CYLD: variants seen among roughly 807,000 people sequenced by gnomAD.
The protein encoded by CYLD is ubiquitin carboxyl-terminal hydrolase CYLD.
A neutral mutation model predicts 104.5 loss-of-function variants in CYLD; 26 were observed. The ratio of observed to expected loss-of-function variants is 0.25; its 90% confidence interval spans 0.18 to 0.35. CYLD has a LOEUF of 0.35. Ranked by LOEUF, CYLD falls within the 10% of genes least tolerant of loss-of-function variation. CYLD has a pLI of 1.00. For missense variants in CYLD, 703 were observed against 1,136.1 expected (o/e 0.62, Z 5.48); for synonymous variants, 385 against 399.9 (o/e 0.96, Z 0.45).
At chr16:50,789,541 G>A (rs1372287940) in intron 14 of CYLD, among the ~76,000 whole-genome samples, 2 of 152,042 alleles carry the variant, frequency 1.3e-5, no homozygotes, top group Non-Finnish European at 2.9e-5. Flanking sequence ...GCCCTGGGAA[G>A]TTCTTACACC....
At chr16:50,783,002 G>T (rs1179039886) in intron 11 of CYLD, among the ~76,000 whole-genome samples, 1 of 130,384 alleles carries the variant, frequency 7.7e-6, no homozygotes. Context: ...TGGGCTCATT[G>T]CAACCTCTGC....
intron 12 of CYLD, chr16:50,785,888 G>A (rs965439082): frequency 1.3e-5 from 2 of 152,228 alleles, no homozygotes; most frequent in African/African-American, 4.8e-5. Flanking sequence ...GTAAGTGGTA[G>A]ATTCTCAGTC....
chr16:50,786,776 A>G (rs1970878557), intron 12 of CYLD, 79 bp from the exon 13 acceptor site: 2 of 1,141,322 alleles, frequency 1.8e-6, no homozygotes, highest in Non-Finnish European at 2.6e-6. Flanking sequence ...AAAAAAAAGA[A>G]AAAAAGAAAT....
intron 5 of CYLD, among the ~76,000 whole-genome samples, chr16:50,768,667 C>T (rs1038101759): frequency 6.6e-6 from 1 of 152,124 alleles, no homozygotes; most frequent in East Asian, 1.9e-4. Context: ...TGTTCATGTT[C>T]TTGAAGTTGT....
intron 15 of CYLD, among the ~76,000 whole-genome samples, chr16:50,792,230 GT>G (rs1465772475): frequency 6.6e-6 from 1 of 152,074 alleles, no homozygotes; most frequent in Non-Finnish European, 1.5e-5. Flanking sequence ...TTATTTATTT[GT>G]TGAAATATAA....
At position 50,754,975 on chromosome 16, in the gene CYLD, GTATACATA is replaced by G. The variant is rs537565359; in HGVS notation, c.913+564_913+571del. On this transcript the variant is annotated intron_variant, in intron 5 of 18. Coordinates refer to ENST00000427738, the MANE Select transcript of CYLD (RefSeq NM_001378743.1). The stretch of plus-strand genomic sequence containing the variant: ...CATATATACATATACACACATATAT[GTATACATA>G]TATACATATATATGTATATATACAT... Among the ~76,000 whole-genome samples the G allele has an allele frequency of 6.1e-3, 755 of 124,702 alleles. 20 individuals are homozygous for G. The highest frequency in any genetic ancestry group is 0.021 in the African/African-American group (709 of 33,302). The allele number at this position is 124,702 out of a possible 152,430, so 81.8% of individuals were successfully genotyped here. A position where few individuals can be genotyped will look rare whatever the true frequency, so the allele number is the denominator to read the frequency against.
At position 50,794,375 on chromosome 16, in the gene CYLD, A is replaced by G. The variant is rs1039611515; in HGVS notation, c.2633A>G (p.Tyr878Cys). ...ETSHYVAFVKYGKDDSAWLFF... is the reference protein window; with the variant it reads ...ETSHYVAFVKCGKDDSAWLFF... ...AGCCACTATGTTGCTTTTGTGAAGT[A>G]TGGGAAGGACGATTCTGCCTGGCTC... is the stretch of plus-strand genomic sequence containing the variant. Residue 878 changes from tyrosine to cysteine, a missense_variant, in exon 18 of 19, where the codon TAT becomes TGT. Coordinates refer to ENST00000427738, the MANE Select transcript of CYLD (RefSeq NM_001378743.1). This position sits in a 1 kb window ranked among gnomAD's most constrained non-coding sequence, Gnocchi z 4.1. 2 of 1,614,162 alleles carry G rather than the reference A, an allele frequency of 1.2e-6. No individual in the cohort carries two copies. The highest frequency in any genetic ancestry group is 1.7e-6 in the Non-Finnish European group (2 of 1,180,022).
intron 10 of CYLD, 23 bp from the exon 11 acceptor site, chr16:50,782,302 T>C (rs762610018): frequency 1.3e-6 from 2 of 1,522,624 alleles, no homozygotes; most frequent in African/African-American, 1.4e-5. Flanking sequence ...TTTCATTTAC[T>C]TTTTTTAAAA....
intron 1 of CYLD, 168 bp from the exon 2 acceptor site, chr16:50,742,593 GC>G (rs1246039455): frequency 2.6e-6 from 1 of 385,522 alleles, no homozygotes; most frequent in African/African-American, 2.1e-5. Context: ...CAGGCCGCTG[GC>G]GGGCCCCGAC....
At position 50,749,713 on chromosome 16, in the gene CYLD, A is replaced by G. The variant is rs1380240341; in HGVS notation, c.15A>G (p.Leu5=). MSSG[L]WSQEKVTSPY... The stretch of plus-strand genomic sequence containing the variant: ...TTAATATCACAATGAGTTCAGGCTT[A>G]TGGAGCCAAGAAAAAGTCACTTCAC... Residue 5 remains leucine, a synonymous_variant, in exon 3 of 19, where the codon TTA becomes TTG. Coordinates refer to ENST00000427738, the MANE Select transcript of CYLD (RefSeq NM_001378743.1). 1.9e-6 allele frequency: 3 copies of G among 1,613,618 alleles called. No homozygotes were observed. In the African/African-American group the frequency reaches 4.0e-5, roughly 22 times the overall value.
At chr16:50,791,200 G>A (rs1971401464) in intron 14 of CYLD, among the ~76,000 whole-genome samples, 1 of 152,208 alleles carries the variant, frequency 6.6e-6, no homozygotes, top group Non-Finnish European at 1.5e-5. Flanking sequence ...ATTAAATACA[G>A]TTTGCTGCTT....
chr16:50,783,237 C>T (rs1196516441), intron 11 of CYLD, among the ~76,000 whole-genome samples: 1 of 151,996 alleles, frequency 6.6e-6, no homozygotes, highest in Non-Finnish European at 1.5e-5. Flanking sequence ...CCAGCCTTAA[C>T]ATTGCAAGGA....
At chr16:50,786,628 T>G in intron 12 of CYLD, 1 of 464,154 alleles carries the variant, frequency 2.2e-6, no homozygotes. Flanking sequence ...GATGTGGTGG[T>G]GCACGCCTGT....
At chr16:50,759,225 G>C (rs1967632306) in intron 5 of CYLD, among the ~76,000 whole-genome samples, 1 of 152,200 alleles carries the variant, frequency 6.6e-6, no homozygotes, top group Non-Finnish European at 1.5e-5. Flanking sequence ...CTGGGTGACA[G>C]AGCGAGACTC....
chr16:50,755,052 T>C (rs571110111), intron 5 of CYLD, among the ~76,000 whole-genome samples: 4 of 103,526 alleles, frequency 3.9e-5, no homozygotes, highest in Non-Finnish European at 7.9e-5. Context: ...CATATATATG[T>C]ATATATACAT....
intron 16 of CYLD, among the ~76,000 whole-genome samples, chr16:50,792,909 G>A (rs556855980): frequency 6.6e-6 from 1 of 152,208 alleles, no homozygotes; most frequent in East Asian, 1.9e-4. Flanking sequence ...TATTTGATAT[G>A]CAAATATACT....
chr16:50,766,572 A>T (rs1035008252), intron 5 of CYLD, among the ~76,000 whole-genome samples: 4 of 152,206 alleles, frequency 2.6e-5, no homozygotes, highest in Admixed American at 2.0e-4. Flanking sequence ...GATTCCTCTG[A>T]CAGACTGGGC....
intron 5 of CYLD, among the ~76,000 whole-genome samples, chr16:50,771,975 C>T (rs1270681366): frequency 3.9e-5 from 6 of 152,164 alleles, no homozygotes; most frequent in Non-Finnish European, 8.8e-5. Context: ...GTAAGTCTTG[C>T]AATCTATTAA....
chr16:50,784,206 C>A, intron 11 of CYLD, 123 bp from the exon 12 acceptor site: 1 of 1,111,778 alleles, frequency 9.0e-7, no homozygotes, highest in Non-Finnish European at 1.3e-6. Flanking sequence ...TAATGAAAAA[C>A]ACAAATTGTT....
Sources: allele counts gnomAD v4.1 joint callset (sites outside exome capture counted in the v4.1 genomes callset), GRCh38; gene constraint gnomAD v4.1.1; non-coding constraint Gnocchi (gnomAD v3.1); transcripts MANE v1.5; gene names NCBI Gene and HGNC (gene_info 2026-07-23, HGNC 2026-07-21).